TENM3: variants seen among roughly 807,000 people sequenced by gnomAD.
The protein encoded by TENM3 is teneurin transmembrane protein 3.
A neutral mutation model predicts 255.1 loss-of-function variants in TENM3; 63 were observed. That is an observed-to-expected ratio of 0.25 (90% confidence interval 0.20 to 0.30). The LOEUF (loss-of-function observed/expected upper bound fraction) is 0.30. Ranked by LOEUF, TENM3 falls within the 10% of genes least tolerant of loss-of-function variation. The probability of loss-of-function intolerance (pLI) is 1.00; values close to 1 mark genes in which losing one functional copy is unlikely to be tolerated. For missense variants in TENM3, 2,929 were observed against 3,461.1 expected, an observed-to-expected ratio of 0.85 and a Z score of 3.86; for synonymous variants, 1,306 against 1,322.3, an observed-to-expected ratio of 0.99 and a Z score of 0.27.
chr4:181,777,633 A>C, the TENM3 span, among the ~76,000 whole-genome samples: 2 of 152,112 alleles, frequency 1.3e-5, no homozygotes, highest in African/African-American at 4.8e-5. Flanking sequence ...GGATTAGTTT[A>C]TACTCTTAGT....
chr4:181,936,488 C>T, the TENM3 span, among the ~76,000 whole-genome samples: 46 of 151,842 alleles, frequency 3.0e-4, no homozygotes, highest in Non-Finnish European at 2.1e-4. Context: ...TCATCTCTTT[C>T]GCCTACCCTT....
upstream of TENM3, among the ~76,000 whole-genome samples, chr4:182,239,031 TTATG>T (rs747380776): frequency 1.0e-3 from 111 of 110,452 alleles, 2 homozygotes; most frequent in South Asian, 0.017. Flanking sequence ...TTAAAAATCT[TTATG>T]TGTGTGTGTG....
intron 3 of TENM3, among the ~76,000 whole-genome samples, chr4:182,475,505 G>A (rs1733598345): frequency 6.6e-6 from 1 of 151,856 alleles, no homozygotes; most frequent in South Asian, 2.1e-4. Flanking sequence ...TGATGACGGG[G>A]GTGTGTTTTT....
At chr4:182,312,526 G>GT (rs1230688250) in intron 1 of TENM3, among the ~76,000 whole-genome samples, 2 of 152,110 alleles carry the variant, frequency 1.3e-5, no homozygotes, top group Admixed American at 6.6e-5. Flanking sequence ...CTATTTGGTT[G>GT]TTTTTTTACC....
At chr4:182,379,790 T>C (rs1464103960) in intron 3 of TENM3, among the ~76,000 whole-genome samples, 2 of 152,168 alleles carry the variant, frequency 1.3e-5, no homozygotes, top group South Asian at 4.1e-4. Flanking sequence ...CTCTGGGGCC[T>C]TAGACAGTTT....
chr4:182,186,484 A>C (rs1043799230), intron 1 of TENM3, among the ~76,000 whole-genome samples: 1 of 151,850 alleles, frequency 6.6e-6, no homozygotes, highest in Non-Finnish European at 1.5e-5. Context: ...TTTTAATAAT[A>C]GAAGATAATT....
the TENM3 span, among the ~76,000 whole-genome samples, chr4:182,121,289 C>T: frequency 5.3e-5 from 8 of 152,126 alleles, no homozygotes; most frequent in African/African-American, 1.7e-4. Flanking sequence ...TGAGCCACCC[C>T]GCCTGGCCTC....
Position 182,211,324 on chromosome 4 carries a change from GT to G in TENM3, c.-76+66576del, listed in dbSNP as rs544935520. Among the ~76,000 whole-genome samples the G allele has an allele frequency of 4.1e-4, 63 of 152,234 alleles. 1 individual carries two copies. Among genetic ancestry groups the G allele is most frequent in the African/African-American group, 1.5e-3 (61 of 41,548 alleles). ...TTTTCTAGTAGAAATCAAAGATGGT[GT>G]TTTTTGGGGAACACTAATAAATTAG... On this transcript the variant is annotated intron_variant, in intron 1 of 2. Coordinates refer to the TENM3 transcript ENST00000512480.
chr4:182,359,866 A>C (rs926207925), intron 3 of TENM3, among the ~76,000 whole-genome samples: 9 of 150,522 alleles, frequency 6.0e-5, no homozygotes, highest in African/African-American at 2.2e-4. Flanking sequence ...TTAGTGCTAT[A>C]AATTTCCCTC....
chr4:181,471,725 C>T, the TENM3 span, among the ~76,000 whole-genome samples: 1 of 152,150 alleles, frequency 6.6e-6, no homozygotes, highest in Non-Finnish European at 1.5e-5. Context: ...ATCTTTTCCT[C>T]ACCTATTGCA....
In TENM3 at chr4:182,793,305, G is replaced by A; in HGVS notation, c.6633G>A (p.Gly2211=). ...GTEIFEYSSK[G]LLTRVYSKGS... ...AAATCTTTGAATATAGCTCCAAGGG[G>A]CTTCTAACTCGAGTTTACAGTAAAG... is the stretch of plus-strand genomic sequence containing the variant. Residue 2211 remains glycine, a synonymous_variant, in exon 26 of 28, where the codon GGG becomes GGA. Coordinates refer to ENST00000511685, the MANE Select transcript of TENM3 (RefSeq NM_001080477.4). This position sits in a 1 kb window ranked among gnomAD's most constrained non-coding sequence, Gnocchi z 5.7. 6.2e-7 allele frequency: 1 copy of A among 1,613,842 alleles called. No individual in the cohort carries two copies.
rs1202834708 is a variant in TENM3, at chr4:182,802,505, A to T, written c.*2154A>T. 6.6e-6 allele frequency: 1 copy of T among 152,588 alleles called. No individual in the cohort carries two copies. Among genetic ancestry groups the T allele is most frequent in the African/African-American group, 2.4e-5 (1 of 41,422 alleles). The allele number at this position is 152,588 out of a possible 1,614,324, so 9.5% of individuals were successfully genotyped here. On this transcript the variant is annotated 3_prime_UTR_variant, in exon 28 of 28. Transcript: ENST00000511685. ...GTCTAAATTCTCAGACATGTTTCTG[A>T]TGTATTACCATGAAAAGCTTGTGCC...
chr4:181,699,508 C>A, the TENM3 span, among the ~76,000 whole-genome samples: 1 of 137,696 alleles, frequency 7.3e-6, no homozygotes. Context: ...AGATACATTG[C>A]TAATATAATA....
intron 5 of TENM3, among the ~76,000 whole-genome samples, chr4:182,648,636 C>T (rs952433029): frequency 2.6e-5 from 4 of 152,074 alleles, no homozygotes; most frequent in Non-Finnish European, 4.4e-5. Context: ...ATATGGATCG[C>T]AATAAGTGAA....
At chr4:182,076,072 C>T in the TENM3 span, among the ~76,000 whole-genome samples, 3 of 151,872 alleles carry the variant, frequency 2.0e-5, no homozygotes, top group Non-Finnish European at 4.4e-5. Flanking sequence ...TGACACAATG[C>T]CTAATTTTTT....
the TENM3 span, among the ~76,000 whole-genome samples, chr4:182,104,563 G>C: frequency 1.4e-5 from 2 of 139,060 alleles, no homozygotes; most frequent in South Asian, 2.3e-4. Flanking sequence ...CCAGGCTGGA[G>C]TGCAGTGGCA....
chr4:182,531,519 T>C (rs1403592118), intron 3 of TENM3, among the ~76,000 whole-genome samples: 1 of 152,136 alleles, frequency 6.6e-6, no homozygotes. Context: ...CTGGGAGGAC[T>C]CACAGGACTC....
At chr4:181,771,191 A>G in the TENM3 span, among the ~76,000 whole-genome samples, 1 of 152,236 alleles carries the variant, frequency 6.6e-6, no homozygotes, top group Non-Finnish European at 1.5e-5. Flanking sequence ...AAATATGTGA[A>G]GAATTTCTAC....
the TENM3 span, among the ~76,000 whole-genome samples, chr4:181,472,688 A>T: frequency 2.0e-5 from 3 of 152,256 alleles, no homozygotes; most frequent in Middle Eastern, 3.4e-3. Flanking sequence ...GAGTGTAAGC[A>T]TGTTCTTGTT....
Sources: allele counts gnomAD v4.1 joint callset (sites outside exome capture counted in the v4.1 genomes callset), GRCh38; gene constraint gnomAD v4.1.1; non-coding constraint Gnocchi (gnomAD v3.1); transcripts MANE v1.5; gene names NCBI Gene and HGNC (gene_info 2026-07-23, HGNC 2026-07-21).